CENPE: variants seen among roughly 807,000 people sequenced by gnomAD.
CENPE encodes centromere protein E.
Under a neutral mutation model 336.1 loss-of-function variants are expected in CENPE, and 145 were observed. The observed-to-expected ratio is 0.43, with a 90% CI of 0.38 to 0.50. CENPE has a LOEUF of 0.50. Ranked by LOEUF, CENPE falls within the 20% of genes least tolerant of loss-of-function variation. The probability of loss-of-function intolerance (pLI) is 0.00; values close to 1 mark genes in which losing one functional copy is unlikely to be tolerated. For synonymous variants in CENPE, 1,013 were observed against 984.8 expected (o/e 1.03, Z -0.54); for missense variants, 2,719 against 3,023.3 (o/e 0.90, Z 2.36).
intron 28 of CENPE, 46 bp from the exon 29 acceptor site, chr4:103,147,692 A>T: frequency 6.5e-7 from 1 of 1,534,770 alleles, no homozygotes; most frequent in Non-Finnish European, 8.7e-7. Flanking sequence ...GGAGATTATG[A>T]TCATAATTTT....
At chr4:103,178,937 T>A (rs1190225766) in intron 13 of CENPE, among the ~76,000 whole-genome samples, 1 of 152,184 alleles carries the variant, frequency 6.6e-6, no homozygotes, top group Non-Finnish European at 1.5e-5. Flanking sequence ...CAAATTGATA[T>A]TTATATCTCA....
At chr4:103,106,624 T>G (rs1454385808) in intron 48 of CENPE, among the ~76,000 whole-genome samples, 2 of 152,246 alleles carry the variant, frequency 1.3e-5, no homozygotes. Flanking sequence ...AGTTTTCTTT[T>G]GTCCTGTTTT....
chr4:103,113,574 T>TA (rs1560589725), intron 46 of CENPE, among the ~76,000 whole-genome samples: 1 of 142,398 alleles, frequency 7.0e-6, no homozygotes, highest in African/African-American at 2.6e-5. Context: ...GTAATATATA[T>TA]TTTATATTAC....
At chr4:103,131,147 T>G (rs1318962437) in intron 42 of CENPE, among the ~76,000 whole-genome samples, 1 of 151,824 alleles carries the variant, frequency 6.6e-6, no homozygotes, top group Non-Finnish European at 1.5e-5. Context: ...GCCAAGGGAG[T>G]GAGAAGACAA....
chr4:103,135,880 G>A (rs1395389782), intron 40 of CENPE, among the ~76,000 whole-genome samples: 2 of 152,196 alleles, frequency 1.3e-5, no homozygotes, highest in South Asian at 2.1e-4. Flanking sequence ...TTGTTTATAT[G>A]TCTGTCTCAC....
intron 42 of CENPE, among the ~76,000 whole-genome samples, chr4:103,127,342 C>T (rs931258591): frequency 2.0e-5 from 3 of 151,930 alleles, no homozygotes; most frequent in Non-Finnish European, 2.9e-5. Context: ...AATTCTATTC[C>T]ATGTAAAATT....
chr4:103,106,494 A>G (rs1748914474), intron 48 of CENPE, among the ~76,000 whole-genome samples, 178 bp from the exon 49 acceptor site: 1 of 152,118 alleles, frequency 6.6e-6, no homozygotes, highest in African/African-American at 2.4e-5. Context: ...GGAGAAGTTT[A>G]CTCCCCATTT....
chr4:103,175,932 TTA>T, intron 15 of CENPE, 26 bp downstream of exon 15: 1 of 1,340,418 alleles, frequency 7.5e-7, no homozygotes, highest in Non-Finnish European at 1.1e-6. Context: ...AGTAAAAGCA[TTA>T]TATGCTGTAA....
chr4:103,142,697 C>T (rs530537096), intron 34 of CENPE, among the ~76,000 whole-genome samples: 1 of 152,124 alleles, frequency 6.6e-6, no homozygotes, highest in African/African-American at 2.4e-5. Context: ...ACATAGTTTC[C>T]CTAAGATCAT....
chr4:103,172,009 A>T (rs1019012825), intron 16 of CENPE, among the ~76,000 whole-genome samples: 3 of 152,032 alleles, frequency 2.0e-5, no homozygotes, highest in African/African-American at 7.2e-5. Flanking sequence ...CCAGGACCTG[A>T]TGGCATCACT....
chr4:103,159,894 A>G (rs1754291866), intron 21 of CENPE, among the ~76,000 whole-genome samples: 1 of 151,946 alleles, frequency 6.6e-6, no homozygotes, highest in African/African-American at 2.4e-5. Flanking sequence ...TGTGAAAGAT[A>G]AGGGCAGAGA....
chr4:103,106,468 A>G (rs1748911499), intron 48 of CENPE, 152 bp from the exon 49 acceptor site: 4 of 485,358 alleles, frequency 8.2e-6, no homozygotes, highest in Non-Finnish European at 1.4e-5. Context: ...AAGATGGTGT[A>G]TTTCACCTCA....
At chr4:103,177,915 A>C (rs1452093823) in intron 13 of CENPE, among the ~76,000 whole-genome samples, 2 of 152,046 alleles carry the variant, frequency 1.3e-5, no homozygotes, top group African/African-American at 4.8e-5. Context: ...ATTATCTGAA[A>C]GTCATAAACT....
Position 103,151,321 on chromosome 4 carries a change from T to C in CENPE, c.3294A>G (p.Gln1098=), listed in dbSNP as rs909880927. 1 of 1,604,802 alleles carries C rather than the reference T, an allele frequency of 6.2e-7. No individual in the cohort carries two copies. The highest frequency in any genetic ancestry group is 1.3e-5 in the African/African-American group (1 of 74,198). ...RLLGDELKKQ[Q]EIVAQEKNHA... is the part of the protein sequence containing the mutation. ...GGTTCTTTTCTTGTGCAACTATCTCTTGTTGCTTTTTAAGTTCATCCCCAA... is the reference window on the plus strand; with the variant it reads ...GGTTCTTTTCTTGTGCAACTATCTCCTGTTGCTTTTTAAGTTCATCCCCAA... The change falls in exon 26 of 49, where the codon CAA becomes CAG. Residue 1098 remains glutamine, a synonymous_variant. Coordinates refer to ENST00000265148, the MANE Select transcript of CENPE (RefSeq NM_001813.3).
At chr4:103,167,432 A>T (rs1755016778) in intron 16 of CENPE, among the ~76,000 whole-genome samples, 1 of 152,200 alleles carries the variant, frequency 6.6e-6, no homozygotes, top group African/African-American at 2.4e-5. Flanking sequence ...TAAAATATAA[A>T]TGAAGAAAAT....
At chr4:103,128,631 C>A (rs1036218899) in intron 42 of CENPE, among the ~76,000 whole-genome samples, 1 of 151,992 alleles carries the variant, frequency 6.6e-6, no homozygotes, top group South Asian at 2.1e-4. Context: ...AAATAACATA[C>A]GGGTCACAGG....
At chr4:103,196,930 C>T in intron 1 of CENPE, 80 bp from the exon 2 acceptor site, 3 of 717,512 alleles carry the variant, frequency 4.2e-6, no homozygotes, top group Non-Finnish European at 5.0e-6. Context: ...ATTTCACCTG[C>T]TAAAGAATAT....
At chr4:103,184,239 C>A (rs759673545) in intron 9 of CENPE, among the ~76,000 whole-genome samples, 5 of 152,194 alleles carry the variant, frequency 3.3e-5, no homozygotes, top group Non-Finnish European at 7.3e-5. Flanking sequence ...AGTTGAGTGG[C>A]TCTACAATAG....
intron 11 of CENPE, among the ~76,000 whole-genome samples, chr4:103,182,407 C>G (rs1756399129): frequency 6.6e-6 from 1 of 152,188 alleles, no homozygotes; most frequent in African/African-American, 2.4e-5. Context: ...GTTATACAGA[C>G]AGACACACAA....
Sources: allele counts gnomAD v4.1 joint callset (sites outside exome capture counted in the v4.1 genomes callset), GRCh38; gene constraint gnomAD v4.1.1; transcripts MANE v1.5; gene names NCBI Gene and HGNC (gene_info 2026-07-23, HGNC 2026-07-21).